The following IL1RL1 variants were observed in gnomAD, a reference collection of about 807,000 sequenced individuals.
IL1RL1 encodes interleukin-1 receptor-like 1.
A neutral mutation model predicts 50.9 loss-of-function variants in IL1RL1; 32 were observed. That is an observed-to-expected ratio of 0.63 (90% CI 0.47 to 0.84). The LOEUF is 0.84. IL1RL1 is among the 40% of genes least tolerant of loss of function. The pLI is 0.00. For missense variants in IL1RL1, 773 were observed against 662.9 expected (o/e 1.17, Z -1.82); for synonymous variants, 275 against 236.0 (o/e 1.17, Z -1.51).
chr2:102,311,859 T>TTATATAATATATATTATATTATATAA (rs1676487248), intron 1 of IL1RL1, among the ~76,000 whole-genome samples: 2 of 45,544 alleles, frequency 4.4e-5, no homozygotes, highest in Non-Finnish European at 8.7e-5. Flanking sequence ...TATAATATAA[T>TTATATAATATATATTATATTATATAA]TATATAATAT....
chr2:102,343,896 A>G, intron 8 of IL1RL1: 1 of 997,650 alleles, frequency 1.0e-6, no homozygotes, highest in Non-Finnish European at 1.2e-6. Context: ...GTATCAAACT[A>G]CTGCCATTTC....
intron 1 of IL1RL1, among the ~76,000 whole-genome samples, chr2:102,311,954 T>C (rs1160199279): frequency 2.0e-4 from 7 of 35,584 alleles, no homozygotes; most frequent in Middle Eastern, 0.05. Flanking sequence ...TTATATATAA[T>C]ATATATTATA....
chr2:102,347,247 T>C (rs774604050), intron 8 of IL1RL1, among the ~76,000 whole-genome samples: 2 of 152,196 alleles, frequency 1.3e-5, no homozygotes, highest in African/African-American at 4.8e-5. Context: ...ACCCTCTGCA[T>C]CTTGCAACCC....
In IL1RL1 at chr2:102,351,911, A is replaced by G. The variant is rs1391217942; in HGVS notation, c.1661A>G (p.Gln554Arg). The G allele has an allele frequency of 1.9e-6, 3 of 1,607,994 alleles. No individual in the cohort carries two copies. The African/African-American group carries it at 4.0e-5, about 22-fold the overall frequency. Residue 554 changes from glutamine to arginine, a missense_variant, in exon 11 of 11, where the codon CAG becomes CGG. Gln to Arg is a conservative substitution (Grantham distance 43). Transcript: ENST00000233954. ...KASSLTPLAAQKQ is the reference protein window; with the variant it reads ...KASSLTPLAARKQ ...TCTAGTTTGACTCCCTTGGCTGCCCAGAAGCAATAGTGCCTGCTGTGATGT... is the reference window on the plus strand; with the variant it reads ...TCTAGTTTGACTCCCTTGGCTGCCCGGAAGCAATAGTGCCTGCTGTGATGT...
At chr2:102,344,819 G>A in intron 8 of IL1RL1, 1 of 943,856 alleles carries the variant, frequency 1.1e-6, no homozygotes, top group Non-Finnish European at 1.3e-6. Context: ...TTTATGTTTG[G>A]TAAATTCAAT....
chr2:102,339,802 A>G (rs13022799), intron 3 of IL1RL1, among the ~76,000 whole-genome samples: 18,968 of 152,234 alleles, frequency 0.12, 1,475 homozygotes, highest in Middle Eastern at 0.33. Context: ...TAAACTCTGA[A>G]TAAATAGTAA....
intron 1 of IL1RL1, among the ~76,000 whole-genome samples, chr2:102,314,147 G>A (rs1486449695): frequency 6.6e-6 from 1 of 151,982 alleles, no homozygotes; most frequent in East Asian, 1.9e-4. Context: ...GAATAACATA[G>A]CAGCAGCAGC....
At chr2:102,352,094 G>C, downstream of IL1RL1, 1 of 627,978 alleles carries the variant, frequency 1.6e-6, no homozygotes, top group Admixed American at 3.4e-5. Context: ...ATGCAAAATG[G>C]CCAGAAATTT....
At chr2:102,312,453 A>T (rs1299672006) in intron 1 of IL1RL1, among the ~76,000 whole-genome samples, 1 of 152,056 alleles carries the variant, frequency 6.6e-6, no homozygotes, top group Non-Finnish European at 1.5e-5. Flanking sequence ...GGTTGAGGGT[A>T]AGAAAGGATG....
chr2:102,340,262 A>G lies in IL1RL1; in HGVS notation c.437A>G (p.Glu146Gly). The change falls in exon 4 of 11, where the codon GAG (glutamate) becomes GGG (glycine). Residue 146 changes from glutamate (E) to glycine (G), a missense_variant. Physicochemically the swap from Glu to Gly is moderately conservative, Grantham distance 98. Coordinates refer to ENST00000233954, the MANE Select transcript of IL1RL1 (RefSeq NM_016232.5). ...CTCTACAACTGGACAGCACCTCTTG[A>G]GTGGTTTAAGGTAAGAAGAAATTTG... is the stretch of plus-strand genomic sequence containing the variant. ...IDLYNWTAPLEWFKNCQALQG... is the reference protein window; with the variant it reads ...IDLYNWTAPLGWFKNCQALQG... 8 of 1,592,650 alleles carry G rather than the reference A, an allele frequency of 5.0e-6. No homozygotes were observed. Among genetic ancestry groups the G allele is most frequent in the Non-Finnish European group, 6.8e-6 (8 of 1,175,132 alleles).
At chr2:102,334,745 G>GT (rs1443556258) in intron 1 of IL1RL1, among the ~76,000 whole-genome samples, 1 of 152,146 alleles carries the variant, frequency 6.6e-6, no homozygotes, top group Non-Finnish European at 1.5e-5. Flanking sequence ...TCTGGAGTGT[G>GT]TTAGGACATT....
chr2:102,311,744 G>A (rs1253949174), intron 1 of IL1RL1, 121 bp downstream of exon 1: 1 of 120,164 alleles, frequency 8.3e-6, no homozygotes, highest in Non-Finnish European at 1.6e-5. Context: ...AACATTATAT[G>A]TTATAATAAT....
intron 9 of IL1RL1, among the ~76,000 whole-genome samples, chr2:102,348,701 A>C (rs1394377143): frequency 1.3e-5 from 2 of 152,192 alleles, no homozygotes; most frequent in Non-Finnish European, 2.9e-5. Flanking sequence ...TGCCCTTGCT[A>C]CTATTAGCTT....
chr2:102,341,440 C>A, intron 5 of IL1RL1: 5 of 681,096 alleles, frequency 7.3e-6, no homozygotes, highest in Non-Finnish European at 9.7e-6. Context: ...ATTTCACAAT[C>A]ATAGCTTATC....
chr2:102,314,268 C>T (rs77988178), intron 1 of IL1RL1, among the ~76,000 whole-genome samples: 1,799 of 152,294 alleles, frequency 0.012, 46 homozygotes, highest in African/African-American at 0.039. Context: ...AGGGATGAAA[C>T]CAAGTCCTTG....
chr2:102,329,028 C>A (rs1677096300), intron 1 of IL1RL1, among the ~76,000 whole-genome samples: 1 of 152,130 alleles, frequency 6.6e-6, no homozygotes, highest in Non-Finnish European at 1.5e-5. Context: ...CCCACATTGC[C>A]AAGTCAATCC....
At chr2:102,346,120 T>C (rs1677774271) in intron 8 of IL1RL1, 2 of 913,958 alleles carry the variant, frequency 2.2e-6, no homozygotes, top group Non-Finnish European at 2.6e-6. Context: ...CATGATGAAT[T>C]CTTTTTTATT....
intron 1 of IL1RL1, among the ~76,000 whole-genome samples, chr2:102,313,989 T>C (rs1676598581): frequency 6.6e-6 from 1 of 152,216 alleles, no homozygotes; most frequent in Non-Finnish European, 1.5e-5. Context: ...GCAGGGCGTC[T>C]GGATTCTGAA....
intron 8 of IL1RL1, chr2:102,345,824 T>G (rs1345600991): frequency 1.0e-6 from 1 of 985,396 alleles, no homozygotes; most frequent in Non-Finnish European, 1.2e-6. Flanking sequence ...AGGTGCTATG[T>G]GAGGGCCATG....
Sources: allele counts gnomAD v4.1 joint callset (sites outside exome capture counted in the v4.1 genomes callset), GRCh38; gene constraint gnomAD v4.1.1; transcripts MANE v1.5; gene names NCBI Gene and HGNC (gene_info 2026-07-23, HGNC 2026-07-21).